The following CRTAP variants were observed in gnomAD, a reference collection of about 807,000 sequenced individuals.
CRTAP encodes the protein cartilage associated protein, also known as cartilage-associated protein.
Under a neutral mutation model 42.7 loss-of-function variants are expected in CRTAP, and 33 were observed. The ratio of observed to expected loss-of-function variants is 0.77; its 90% CI spans 0.59 to 1.03. CRTAP has a LOEUF of 1.03. CRTAP is among the 50% of genes least tolerant of loss of function. CRTAP has a pLI of 0.00. For synonymous variants in CRTAP, 243 were observed against 217.7 expected (o/e 1.12, Z -1.02); for missense variants, 613 against 533.9 (o/e 1.15, Z -1.46).
intron 3 of CRTAP, among the ~76,000 whole-genome samples, chr3:33,129,727 A>G (rs1029372487): frequency 5.9e-5 from 9 of 151,782 alleles, no homozygotes; most frequent in South Asian, 2.1e-4. Flanking sequence ...TTAGTGAGAC[A>G]GGGTTTCACT....
At chr3:33,137,787 A>G (rs993265445) in intron 6 of CRTAP, among the ~76,000 whole-genome samples, 48 of 152,194 alleles carry the variant, frequency 3.2e-4, no homozygotes, top group African/African-American at 1.2e-3. Flanking sequence ...CAAGGTCACA[A>G]AGATTTACTC....
chr3:33,133,421 A>G (rs532953064), intron 5 of CRTAP, among the ~76,000 whole-genome samples: 9 of 151,764 alleles, frequency 5.9e-5, no homozygotes, highest in Non-Finnish European at 7.4e-5. Context: ...AACATATCAC[A>G]CTAATTTTTG....
chr3:33,114,571 C>A (rs1297660418), intron 1 of CRTAP, 23 bp downstream of exon 1: 1 of 1,555,826 alleles, frequency 6.4e-7, no homozygotes, highest in Non-Finnish European at 8.7e-7. Context: ...CGCCCCGTCC[C>A]AGGCCCCGGC....
chr3:33,119,025 T>A (rs1701381345), intron 1 of CRTAP, among the ~76,000 whole-genome samples: 1 of 152,170 alleles, frequency 6.6e-6, no homozygotes, highest in Admixed American at 6.5e-5. Context: ...GCAGCTCCTC[T>A]CCAATTTCTT....
intron 6 of CRTAP, among the ~76,000 whole-genome samples, chr3:33,137,652 G>T (rs538171682): frequency 6.6e-6 from 1 of 152,286 alleles, no homozygotes; most frequent in African/African-American, 2.4e-5. Context: ...TTTGTGGGTT[G>T]TCTTTTCAGT....
intron 1 of CRTAP, among the ~76,000 whole-genome samples, chr3:33,118,255 G>A (rs563746563): frequency 1.4e-3 from 202 of 148,334 alleles, no homozygotes; most frequent in Admixed American, 2.9e-3. Context: ...CACTGCTCCC[G>A]GCCTCTGTGC....
intron 6 of CRTAP, among the ~76,000 whole-genome samples, chr3:33,136,946 TAATGG>T (rs2030437592): frequency 6.6e-6 from 1 of 152,226 alleles, no homozygotes; most frequent in Non-Finnish European, 1.5e-5. Context: ...GGCCATATGG[TAATGG>T]TTTAACCTGT....
chr3:33,146,203 GA>G lies in CRTAP; in HGVS notation c.*3761del, dbSNP rs1236440049. 3.3e-5 allele frequency: 5 copies of G among 152,142 alleles called. No homozygotes were observed. Among genetic ancestry groups the G allele is most frequent in the African/African-American group, 1.2e-4 (5 of 41,406 alleles). The allele number at this position is 152,142 out of a possible 1,614,324, so 9.4% of individuals were successfully genotyped here. A position where few individuals can be genotyped will look rare whatever the true frequency, so the allele number is the denominator to read the frequency against. ...TCAGCCTCAAGTCTGGCCCGTCTTCGAAAAAACAAACACATTTGTAAGCTTT... is the reference window on the plus strand; with the variant it reads ...TCAGCCTCAAGTCTGGCCCGTCTTCGAAAAACAAACACATTTGTAAGCTTT... On this transcript the variant is annotated 3_prime_UTR_variant, in exon 7 of 7. Coordinates refer to ENST00000320954, the MANE Select transcript of CRTAP (RefSeq NM_006371.5).
chr3:33,118,186 C>T (rs776775959), intron 1 of CRTAP, among the ~76,000 whole-genome samples: 10 of 151,626 alleles, frequency 6.6e-5, no homozygotes, highest in Non-Finnish European at 1.3e-4. Flanking sequence ...ATCTTGGACT[C>T]CTGACCTCGT....
chr3:33,120,347 A>C lies in CRTAP; in HGVS notation c.475A>C (p.Asn159His). 6.2e-7 allele frequency: 1 copy of C among 1,614,050 alleles called. No homozygotes were observed. Among genetic ancestry groups the C allele is most frequent in the Non-Finnish European group, 8.5e-7 (1 of 1,179,894 alleles). The change falls in exon 2 of 7, where the codon AAT (asparagine) becomes CAT (histidine). Residue 159 changes from asparagine to histidine, a missense_variant. By Grantham distance (68) the Asn-to-His change is moderately conservative. Transcript: ENST00000320954. ...TTTATGTTCTTTGTCCTTTTAGGCA[A>C]ATAATCTCCCCAAAGCCATCGCCGC... is the stretch of plus-strand genomic sequence containing the variant. ...KFLQFAYFKA[N>H]NLPKAIAAAH...
Position 33,114,074 on chromosome 3 carries a change from C to T in CRTAP, c.-4C>T. ...CCCTTCCTTCCTTCCTTTCGCCGGG[C>T]GCGATGGAGCCGGGGCGCCGGGGGG... is the stretch of plus-strand genomic sequence containing the variant. On this transcript the variant is annotated 5_prime_UTR_variant, in exon 1 of 7. Transcript: ENST00000320954. 6.9e-7 allele frequency: 1 copy of T among 1,457,760 alleles called. No homozygotes were observed. Among genetic ancestry groups the T allele is most frequent in the Non-Finnish European group, 9.0e-7 (1 of 1,111,222 alleles). 90.3% of individuals were successfully genotyped at this position (1,457,760 alleles called of 1,614,324 possible).
At chr3:33,120,232 TG>T in intron 1 of CRTAP, 111 bp from the exon 2 acceptor site, 1 of 992,876 alleles carries the variant, frequency 1.0e-6, no homozygotes, top group Non-Finnish European at 1.6e-6. Flanking sequence ...AACCTTTAGC[TG>T]GAAAAGTTAT....
chr3:33,121,832 T>C (rs898040653), intron 2 of CRTAP, among the ~76,000 whole-genome samples: 2 of 152,066 alleles, frequency 1.3e-5, no homozygotes, highest in African/African-American at 4.8e-5. Context: ...TTGGGAGATA[T>C]GATCTCTTGG....
intron 3 of CRTAP, among the ~76,000 whole-genome samples, chr3:33,124,848 C>T (rs955798862): frequency 3.0e-4 from 46 of 152,308 alleles, no homozygotes; most frequent in African/African-American, 1.0e-3. Flanking sequence ...AGATTTCCTA[C>T]AGTCATTTTG....
At chr3:33,129,079 G>T (rs564565640) in intron 3 of CRTAP, among the ~76,000 whole-genome samples, 1 of 152,248 alleles carries the variant, frequency 6.6e-6, no homozygotes, top group East Asian at 1.9e-4. Context: ...TGGCATTTAG[G>T]TACTTACAAG....
intron 1 of CRTAP, among the ~76,000 whole-genome samples, chr3:33,118,070 C>T (rs977563798): frequency 6.6e-6 from 1 of 152,078 alleles, no homozygotes; most frequent in African/African-American, 2.4e-5. Context: ...AAGTGATTCT[C>T]CTGCCTCAGC....
At chr3:33,141,864 C>T (rs1424192731) in intron 6 of CRTAP, among the ~76,000 whole-genome samples, 5 of 152,206 alleles carry the variant, frequency 3.3e-5, no homozygotes, top group African/African-American at 1.2e-4. Context: ...TGTGTCTCTC[C>T]TGTAAGAGGA....
chr3:33,124,229 G>C (rs1421152189), intron 2 of CRTAP, among the ~76,000 whole-genome samples, 179 bp from the exon 3 acceptor site: 1 of 152,194 alleles, frequency 6.6e-6, no homozygotes, highest in South Asian at 2.1e-4. Flanking sequence ...CCCATCATAA[G>C]CAAAGTAGAA....
intron 1 of CRTAP, among the ~76,000 whole-genome samples, chr3:33,118,357 C>T (rs1701371099): frequency 6.6e-6 from 1 of 152,228 alleles, no homozygotes; most frequent in South Asian, 2.1e-4. Context: ...TCCCTTCCTT[C>T]CAGCTGAAGA....
Sources: gnomAD v4.1 joint callset for allele counts (sites outside exome capture counted in the v4.1 genomes callset) on GRCh38, gnomAD v4.1.1 for gene constraint, MANE v1.5 for transcripts, NCBI Gene and HGNC (gene_info 2026-07-23, HGNC 2026-07-21) for gene names.